Variants in GGTA1 observed in about 807,000 individuals in gnomAD.
The protein encoded by GGTA1 is inactive N-acetyllactosaminide alpha-1,3-galactosyltransferase.
GGTA1 carries 5 observed loss-of-function variants against 2.6 expected under a neutral mutation model. The ratio of observed to expected loss-of-function variants is 1.92; its 90% CI spans 1.00 to 4.04. The LOEUF is 4.04. Ranked by LOEUF, GGTA1 falls within the 30% of genes most tolerant of loss-of-function variation. GGTA1 has a pLI of 0.00. For missense variants in GGTA1, 50 were observed against 16.7 expected (o/e 2.99, Z -3.47); for synonymous variants, 17 against 5.0 (o/e 3.38, Z -3.19).
intron 1 of GGTA1, among the ~76,000 whole-genome samples, chr9:121,495,453 A>G (rs1019559788): frequency 1.3e-5 from 2 of 152,172 alleles, no homozygotes; most frequent in African/African-American, 2.4e-5. Flanking sequence ...AACCTGAGGC[A>G]GGAGAATCAC....
chr9:121,472,309 C>A (rs773025272), intron 1 of GGTA1, among the ~76,000 whole-genome samples: 9 of 152,140 alleles, frequency 5.9e-5, no homozygotes, highest in Non-Finnish European at 1.0e-4. Context: ...GGATTGTGGA[C>A]CTCTACTGGA....
chr9:121,499,584 C>T (rs1829062239), intron 1 of GGTA1, 66 bp downstream of exon 1: 1 of 152,448 alleles, frequency 6.6e-6, no homozygotes, highest in Non-Finnish European at 1.5e-5. Context: ...CTCCCAAGCG[C>T]GGAGCCCCCC....
At chr9:121,460,408 A>G (rs2064950808) in intron 4 of GGTA1, among the ~76,000 whole-genome samples, 189 bp from the exon 5 acceptor site, 1 of 152,218 alleles carries the variant, frequency 6.6e-6, no homozygotes, top group South Asian at 2.1e-4. Flanking sequence ...AAGATGCAGT[A>G]CTCAACTCAT....
At chr9:121,483,094 G>A (rs1312430667) in intron 1 of GGTA1, among the ~76,000 whole-genome samples, 2 of 152,162 alleles carry the variant, frequency 1.3e-5, no homozygotes, top group African/African-American at 2.4e-5. Flanking sequence ...AGTGATCCCC[G>A]GTCTCATGTG....
rs187324227 is a variant in GGTA1, at chr9:121,457,978, T to C, written c.298+2126A>G. Among the ~76,000 whole-genome samples the C allele has an allele frequency of 8.9e-4, 134 of 151,102 alleles. 1 individual carries two copies. In the South Asian group the frequency reaches 0.01, roughly 11 times the overall value. On this transcript the variant is annotated intron_variant, in intron 5 of 5. Transcript: ENST00000481799. ...AGGCTGGAGTGCAGTGGCATGATCTTGGCTCACTGCAACCTCTGCCTCCTG... is the reference window on the plus strand; with the variant it reads ...AGGCTGGAGTGCAGTGGCATGATCTCGGCTCACTGCAACCTCTGCCTCCTG...
intron 1 of GGTA1, among the ~76,000 whole-genome samples, chr9:121,498,491 A>G (rs1829035991): frequency 6.6e-6 from 1 of 152,192 alleles, no homozygotes. Flanking sequence ...TTCGCCATGC[A>G]CTTGCATTTC....
intron 1 of GGTA1, among the ~76,000 whole-genome samples, chr9:121,491,829 C>T (rs769359245): frequency 2.0e-5 from 3 of 152,020 alleles, no homozygotes; most frequent in South Asian, 2.1e-4. Flanking sequence ...AGGGTGGTCT[C>T]GAACCCCTGA....
At chr9:121,458,707 T>C (rs1451029740) in intron 5 of GGTA1, among the ~76,000 whole-genome samples, 1 of 152,098 alleles carries the variant, frequency 6.6e-6, no homozygotes, top group Non-Finnish European at 1.5e-5. Flanking sequence ...TGCTCCCTAC[T>C]CATTTGGAGA....
At chr9:121,454,131 G>C (rs1450396032), downstream of GGTA1, among the ~76,000 whole-genome samples, 1 of 152,124 alleles carries the variant, frequency 6.6e-6, no homozygotes, top group African/African-American at 2.4e-5. Context: ...CATCTTGTCT[G>C]GAGTCTCAAA....
At chr9:121,485,534 C>T (rs1435489596) in intron 1 of GGTA1, among the ~76,000 whole-genome samples, 1 of 152,060 alleles carries the variant, frequency 6.6e-6, no homozygotes. Context: ...AGGGAGTTGC[C>T]AAAATGTAGT....
At position 121,469,434 on chromosome 9, in the gene GGTA1, C is replaced by T. The variant is rs138302752; in HGVS notation, c.-9-1503G>A. ...CAGGATGGCGGACAGGGCAAATAGACGATGAAAGGCATGGGAGGGAGGAAA... is the reference window on the plus strand; with the variant it reads ...CAGGATGGCGGACAGGGCAAATAGATGATGAAAGGCATGGGAGGGAGGAAA... On this transcript the variant is annotated intron_variant, in intron 1 of 5. Coordinates refer to ENST00000481799, the MANE Select transcript of GGTA1 (RefSeq NM_001382585.1). Among the ~76,000 whole-genome samples the T allele has an allele frequency of 1.6e-3, 247 of 152,150 alleles. 1 individual carries two copies. Among genetic ancestry groups the T allele is most frequent in the African/African-American group, 4.4e-3 (184 of 41,498 alleles).
chr9:121,463,964 GAGACTCTTAAGCCC>G (rs1288362289), intron 2 of GGTA1, among the ~76,000 whole-genome samples: 2 of 152,214 alleles, frequency 1.3e-5, no homozygotes, highest in Admixed American at 1.3e-4. Context: ...TGAAGGCAGT[GAGACTCTTAAGCCC>G]CTACAAGTGC....
intron 1 of GGTA1, among the ~76,000 whole-genome samples, chr9:121,469,877 C>T (rs1252757403): frequency 6.6e-6 from 1 of 152,182 alleles, no homozygotes; most frequent in African/African-American, 2.4e-5. Flanking sequence ...CAACTAGGGG[C>T]CATCCCTACA....
chr9:121,455,383 A>G lies in GGTA1; in HGVS notation c.*454T>C, dbSNP rs2064902541. 6.6e-6 allele frequency: 1 copy of G among 152,414 alleles called. No individual in the cohort carries two copies. Among genetic ancestry groups the G allele is most frequent in the Non-Finnish European group, 1.5e-5 (1 of 68,186 alleles). 9.4% of individuals were successfully genotyped at this position (152,414 alleles called of 1,614,324 possible). On this transcript the variant is annotated 3_prime_UTR_variant, in exon 6 of 6. Transcript: ENST00000481799. Reference sequence around the variant, plus strand: ...AATGTGTATAAGCTGGACATTTGGTAATATTATTTTTAAAAAAGGAAAAGG... The same window carrying G: ...AATGTGTATAAGCTGGACATTTGGTGATATTATTTTTAAAAAAGGAAAAGG...
intron 1 of GGTA1, among the ~76,000 whole-genome samples, chr9:121,482,878 G>A (rs1341968184): frequency 3.9e-5 from 6 of 152,154 alleles, no homozygotes; most frequent in African/African-American, 7.2e-5. Flanking sequence ...TCCGGGAGGC[G>A]GGGAGGAGGT....
chr9:121,461,371 T>G (rs756552169), intron 3 of GGTA1, 54 bp from the exon 4 acceptor site: 1 of 428,984 alleles, frequency 2.3e-6, no homozygotes, highest in Non-Finnish European at 4.6e-6. Context: ...GTCCCCAAAC[T>G]TAGGGTTTCC....
chr9:121,454,660 G>A (rs2064896443), downstream of GGTA1, among the ~76,000 whole-genome samples: 3 of 152,126 alleles, frequency 2.0e-5, no homozygotes. Context: ...TCATTCCTCT[G>A]CTGATGAAGT....
intron 2 of GGTA1, among the ~76,000 whole-genome samples, chr9:121,464,688 G>A (rs2064989414): frequency 6.6e-6 from 1 of 152,280 alleles, no homozygotes; most frequent in South Asian, 2.1e-4. Flanking sequence ...CCTGGCACAT[G>A]CCCTCAATAA....
In GGTA1 at chr9:121,455,649, C is replaced by G. The variant is rs1390375315; in HGVS notation, c.*188G>C. ...GACCCACATTTCCCAGTTCCCTGCT[C>G]TATACCAGGTCATCCTGCTAAGCGC... On this transcript the variant is annotated 3_prime_UTR_variant, in exon 6 of 6. Transcript: ENST00000481799. The G allele has an allele frequency of 3.9e-6, 1 of 255,056 alleles. No homozygotes were observed. The highest frequency in any genetic ancestry group is 2.2e-5 in the African/African-American group (1 of 45,022). The allele number at this position is 255,056 out of a possible 1,614,324, so 15.8% of individuals were successfully genotyped here. A position where few individuals can be genotyped will look rare whatever the true frequency, so the allele number is the denominator to read the frequency against.
Sources: gnomAD v4.1 joint callset for allele counts (sites outside exome capture counted in the v4.1 genomes callset) on GRCh38, gnomAD v4.1.1 for gene constraint, MANE v1.5 for transcripts, NCBI Gene and HGNC (gene_info 2026-07-23, HGNC 2026-07-21) for gene names.